CPEB3: variants seen among roughly 807,000 people sequenced by gnomAD.
CPEB3 encodes the protein cytoplasmic polyadenylation element binding protein 3.
A neutral mutation model predicts 67.2 loss-of-function variants in CPEB3; 20 were observed. The observed-to-expected ratio is 0.30, with a 90% confidence interval of 0.21 to 0.43. The LOEUF (loss-of-function observed/expected upper bound fraction) is 0.43, where lower values mean the gene tolerates loss of function less well. Ranked by LOEUF, CPEB3 falls within the 20% of genes least tolerant of loss-of-function variation. CPEB3 has a pLI of 1.00. For missense variants in CPEB3, 746 were observed against 968.6 expected (o/e 0.77, Z 3.05); for synonymous variants, 376 against 393.1 (o/e 0.96, Z 0.51).
At chr10:92,063,807 G>T (rs1231597806) in intron 9 of CPEB3, among the ~76,000 whole-genome samples, 1 of 151,702 alleles carries the variant, frequency 6.6e-6, no homozygotes, top group Admixed American at 6.6e-5. Flanking sequence ...CCTAAGGCAC[G>T]TAAAGCATGC....
At chr10:92,142,297 T>G (rs1464493565) in intron 6 of CPEB3, among the ~76,000 whole-genome samples, 1 of 152,242 alleles carries the variant, frequency 6.6e-6, no homozygotes, top group East Asian at 1.9e-4. Flanking sequence ...GCCATTTTTC[T>G]GAAATGAAAT....
chr10:92,185,780 TTCTC>T (rs1848660019), intron 3 of CPEB3, among the ~76,000 whole-genome samples: 1 of 152,202 alleles, frequency 6.6e-6, no homozygotes, highest in African/African-American at 2.4e-5. Context: ...CCCACTAACT[TTCTC>T]TATAAAGTTA....
intron 1 of CPEB3, among the ~76,000 whole-genome samples, chr10:92,275,989 C>G (rs1039610730): frequency 6.6e-6 from 1 of 151,776 alleles, no homozygotes; most frequent in African/African-American, 2.4e-5. Flanking sequence ...GCTGGGACTA[C>G]TGGCACCCGC....
At chr10:92,116,361 TAA>T (rs1845030865) in intron 6 of CPEB3, among the ~76,000 whole-genome samples, 4 of 151,788 alleles carry the variant, frequency 2.6e-5, no homozygotes, top group Admixed American at 1.3e-4. Context: ...AAGCCCTAAT[TAA>T]AGTTACTTGA....
At chr10:92,247,281 A>T (rs1009904573) in intron 1 of CPEB3, among the ~76,000 whole-genome samples, 1 of 151,958 alleles carries the variant, frequency 6.6e-6, no homozygotes, top group Non-Finnish European at 1.5e-5. Context: ...GCAGTGGCAC[A>T]ACCTCAGCTA....
chr10:92,089,675 C>T (rs916888105), intron 8 of CPEB3, among the ~76,000 whole-genome samples: 4 of 151,704 alleles, frequency 2.6e-5, no homozygotes, highest in Non-Finnish European at 4.4e-5. Context: ...CCCAACTACT[C>T]GTGAAGCTGA....
chr10:92,147,617 G>A (rs971493676), intron 4 of CPEB3, among the ~76,000 whole-genome samples: 6 of 152,184 alleles, frequency 3.9e-5, no homozygotes, highest in Non-Finnish European at 8.8e-5. Flanking sequence ...TCTGGTGGGG[G>A]AGACAGGCAA....
At chr10:92,140,192 G>A (rs537917836) in intron 6 of CPEB3, among the ~76,000 whole-genome samples, 599 of 151,946 alleles carry the variant, frequency 3.9e-3, no homozygotes, top group Non-Finnish European at 6.7e-3. Flanking sequence ...AAAGCCAAAA[G>A]AACAAAGCTG....
At chr10:92,060,233 C>A (rs1484467314) in intron 9 of CPEB3, among the ~76,000 whole-genome samples, 1 of 151,908 alleles carries the variant, frequency 6.6e-6, no homozygotes, top group African/African-American at 2.4e-5. Context: ...GTGGCGCACA[C>A]CTGTAACCCC....
intron 3 of CPEB3, among the ~76,000 whole-genome samples, chr10:92,190,721 T>C (rs887315564): frequency 8.5e-6 from 1 of 117,938 alleles, no homozygotes; most frequent in Non-Finnish European, 1.8e-5. Flanking sequence ...AAAAACCAGA[T>C]AGTAGAGGGA....
chr10:92,198,591 G>A (rs1414037251), intron 2 of CPEB3, among the ~76,000 whole-genome samples: 2 of 152,134 alleles, frequency 1.3e-5, no homozygotes, highest in Non-Finnish European at 2.9e-5. Context: ...AGGCTGAAAG[G>A]GCCAACAGCA....
At chr10:92,166,877 T>G (rs1847769483) in intron 4 of CPEB3, among the ~76,000 whole-genome samples, 1 of 152,224 alleles carries the variant, frequency 6.6e-6, no homozygotes, top group African/African-American at 2.4e-5. Flanking sequence ...TAGATGGCTG[T>G]TTCACCTACA....
At chr10:92,200,244 T>TA (rs2134237964) in intron 2 of CPEB3, among the ~76,000 whole-genome samples, 1 of 152,264 alleles carries the variant, frequency 6.6e-6, no homozygotes, top group Admixed American at 6.5e-5. Context: ...AATAGCCCAG[T>TA]ATAAGATTAG....
At chr10:92,095,320 C>T (rs1480999142) in intron 7 of CPEB3, among the ~76,000 whole-genome samples, 2 of 152,134 alleles carry the variant, frequency 1.3e-5, no homozygotes, top group Non-Finnish European at 2.9e-5. Flanking sequence ...AAAACAGTTG[C>T]TCAGAGCTGT....
chr10:92,209,153 G>A (rs72807258), intron 2 of CPEB3, among the ~76,000 whole-genome samples: 14,237 of 152,212 alleles, frequency 0.094, 888 homozygotes, highest in Non-Finnish European at 0.14. Flanking sequence ...ACTAACGTTT[G>A]ACAGTAATAA....
chr10:92,276,030 A>G (rs1029483112), intron 1 of CPEB3, among the ~76,000 whole-genome samples: 1 of 150,692 alleles, frequency 6.6e-6, no homozygotes, highest in Non-Finnish European at 1.5e-5. Context: ...TTGTATTTTT[A>G]GTAGAGATGG....
chr10:92,234,694 C>T (rs1437360015), intron 2 of CPEB3, among the ~76,000 whole-genome samples: 1 of 152,174 alleles, frequency 6.6e-6, no homozygotes, highest in East Asian at 1.9e-4. Context: ...TTTGGGAGGG[C>T]GAGGTGGCAG....
In CPEB3 at chr10:92,048,604, T is replaced by C. The variant is rs1852180925; in HGVS notation, c.*3608A>G. 1.3e-5 allele frequency: 2 copies of C among 152,474 alleles called. No homozygotes were observed. Among genetic ancestry groups the C allele is most frequent in the African/African-American group, 4.8e-5 (2 of 41,408 alleles). 9.4% of individuals were successfully genotyped at this position (152,474 alleles called of 1,614,324 possible). ...CATCCCTAGTCTTACACTAAACCACTGTGATAAAGGAAAAGGCTTCTCAAA... is the reference window on the plus strand; with the variant it reads ...CATCCCTAGTCTTACACTAAACCACCGTGATAAAGGAAAAGGCTTCTCAAA... On this transcript the variant is annotated 3_prime_UTR_variant, in exon 10 of 10. Coordinates refer to ENST00000265997, the MANE Select transcript of CPEB3 (RefSeq NM_014912.5). The surrounding 1 kb of genome is among the most constrained non-coding windows in gnomAD (Gnocchi z 4.1).
chr10:92,096,640 G>T (rs938188555), intron 7 of CPEB3, among the ~76,000 whole-genome samples: 1 of 151,996 alleles, frequency 6.6e-6, no homozygotes, highest in Non-Finnish European at 1.5e-5. Context: ...TCTGGTAAAG[G>T]TGACTCTAAA....
Sources: allele counts gnomAD v4.1 joint callset (sites outside exome capture counted in the v4.1 genomes callset), GRCh38; gene constraint gnomAD v4.1.1; non-coding constraint Gnocchi (gnomAD v3.1); transcripts MANE v1.5; gene names NCBI Gene and HGNC (gene_info 2026-07-23, HGNC 2026-07-21).